Variants in BCKDHB observed in about 807,000 individuals in gnomAD.
BCKDHB encodes the protein branched chain keto acid dehydrogenase E1 subunit beta.
BCKDHB carries 41 observed loss-of-function variants against 48.5 expected under a neutral mutation model. The observed-to-expected ratio is 0.85, with a 90% CI of 0.66 to 1.10. The LOEUF is 1.10. BCKDHB is among the 50% of genes least tolerant of loss of function. The pLI is 0.00. For synonymous variants in BCKDHB, 201 were observed against 174.8 expected, an observed-to-expected ratio of 1.15 and a Z score of -1.18; for missense variants, 496 against 494.2, an observed-to-expected ratio of 1.00 and a Z score of -0.03.
At chr6:80,134,540 A>G (rs1187192021) in intron 3 of BCKDHB, among the ~76,000 whole-genome samples, 1 of 152,116 alleles carries the variant, frequency 6.6e-6, no homozygotes, top group Non-Finnish European at 1.5e-5. Context: ...GTCCTCTGGG[A>G]TTCTTCCAGA....
At chr6:80,361,554 C>T in the BCKDHB span, among the ~76,000 whole-genome samples, 1 of 152,140 alleles carries the variant, frequency 6.6e-6, no homozygotes, top group African/African-American at 2.4e-5. Context: ...GGAAAGCCCC[C>T]TGGGGTTGGG....
In BCKDHB at chr6:80,290,699, A is replaced by G. The variant is rs114733792; in HGVS notation, c.1038+17478A>G. ...AGGGTTTTTGGATCTCTTGCAAGAA[A>G]GAATTCAAGATGAGTCCATAAATTG... On this transcript the variant is annotated intron_variant, in intron 9 of 9. Transcript: ENST00000320393. Among the ~76,000 whole-genome samples the G allele has an allele frequency of 6.1e-3, 929 of 152,338 alleles. 10 individuals are homozygous for G. The highest frequency in any genetic ancestry group is 0.022 in the African/African-American group (894 of 41,576).
the BCKDHB span, chr6:80,453,164 T>TG: frequency 6.6e-6 from 1 of 152,222 alleles, no homozygotes; most frequent in African/African-American, 2.4e-5. Context: ...AAGCGGGAAC[T>TG]GGGGGCTCTG....
At chr6:80,256,491 C>T (rs945249912) in intron 8 of BCKDHB, among the ~76,000 whole-genome samples, 1 of 152,146 alleles carries the variant, frequency 6.6e-6, no homozygotes, top group Non-Finnish European at 1.5e-5. Flanking sequence ...TCTTATGAGG[C>T]TACTATGGTA....
At chr6:80,455,417 C>A in the BCKDHB span, among the ~76,000 whole-genome samples, 4 of 151,914 alleles carry the variant, frequency 2.6e-5, no homozygotes, top group African/African-American at 9.7e-5. Flanking sequence ...TACCTTATCT[C>A]AGCTTTGAAC....
chr6:80,129,527 A>G (rs1770521765), intron 3 of BCKDHB, among the ~76,000 whole-genome samples: 1 of 152,174 alleles, frequency 6.6e-6, no homozygotes, highest in African/African-American at 2.4e-5. Flanking sequence ...TTTTATTGCT[A>G]GCTGCCTGAG....
At chr6:80,264,757 T>C (rs1009206918) in intron 8 of BCKDHB, among the ~76,000 whole-genome samples, 1 of 152,160 alleles carries the variant, frequency 6.6e-6, no homozygotes, top group African/African-American at 2.4e-5. Flanking sequence ...TTATATATTT[T>C]TCCATATGGA....
chr6:80,323,874 G>C (rs918585433), intron 9 of BCKDHB, among the ~76,000 whole-genome samples: 2 of 152,130 alleles, frequency 1.3e-5, no homozygotes, highest in African/African-American at 4.8e-5. Context: ...CCGGGTTCAC[G>C]CCATTCTCCT....
chr6:80,240,592 A>G (rs915822786), intron 8 of BCKDHB, among the ~76,000 whole-genome samples: 10 of 152,174 alleles, frequency 6.6e-5, no homozygotes, highest in African/African-American at 2.4e-4. Context: ...TTCTAAATAT[A>G]CAATCATGTC....
chr6:80,465,647 C>T, the BCKDHB span: 2 of 152,172 alleles, frequency 1.3e-5, no homozygotes, highest in African/African-American at 2.4e-5. Context: ...ATCATGTAAA[C>T]ATATTAGCAA....
At chr6:80,443,738 G>A in the BCKDHB span, among the ~76,000 whole-genome samples, 425 of 152,048 alleles carry the variant, frequency 2.8e-3, 2 homozygotes, top group African/African-American at 9.6e-3. Flanking sequence ...TCAAACTCCC[G>A]GCTTAAGGAA....
intron 2 of BCKDHB, among the ~76,000 whole-genome samples, chr6:80,128,507 A>G (rs1005344178): frequency 1.5e-4 from 23 of 152,218 alleles, no homozygotes; most frequent in Admixed American, 3.3e-4. Flanking sequence ...CACCTACACC[A>G]TTCTTTGCCT....
intron 9 of BCKDHB, among the ~76,000 whole-genome samples, chr6:80,278,740 G>A (rs1778070054): frequency 1.3e-5 from 2 of 152,228 alleles, no homozygotes; most frequent in East Asian, 3.9e-4. Flanking sequence ...TGTATTTTTA[G>A]TAGGCACGAG....
chr6:80,154,911 T>C (rs1771965812), intron 3 of BCKDHB, among the ~76,000 whole-genome samples: 1 of 152,172 alleles, frequency 6.6e-6, no homozygotes. Context: ...CTTGGCACCT[T>C]GTTACCAGTA....
chr6:80,462,612 C>T, the BCKDHB span, among the ~76,000 whole-genome samples: 2 of 152,288 alleles, frequency 1.3e-5, no homozygotes, highest in Admixed American at 6.5e-5. Context: ...CTTCTCCGTG[C>T]CCTTCTAAGT....
chr6:80,284,454 A>G (rs1435795313), intron 9 of BCKDHB, among the ~76,000 whole-genome samples: 1 of 145,728 alleles, frequency 6.9e-6, no homozygotes, highest in Non-Finnish European at 1.5e-5. Context: ...AAAATGTTGG[A>G]TGTTTGATCA....
intron 6 of BCKDHB, among the ~76,000 whole-genome samples, chr6:80,183,866 T>A (rs1753985419): frequency 6.6e-6 from 1 of 152,202 alleles, no homozygotes; most frequent in Non-Finnish European, 1.5e-5. Context: ...ATTGGCTTCC[T>A]TCACTTAGTA....
At chr6:80,279,141 GTTT>G (rs1448621397) in intron 9 of BCKDHB, among the ~76,000 whole-genome samples, 1 of 151,502 alleles carries the variant, frequency 6.6e-6, no homozygotes, top group African/African-American at 2.4e-5. Context: ...TTGTTTGTTT[GTTT>G]TTTGTTTTGT....
the BCKDHB span, among the ~76,000 whole-genome samples, chr6:80,429,048 A>G: frequency 6.6e-6 from 1 of 152,156 alleles, no homozygotes; most frequent in Non-Finnish European, 1.5e-5. Flanking sequence ...TAATTTTTGT[A>G]TAAGGTGTAA....
Sources: gnomAD v4.1 joint callset for allele counts (sites outside exome capture counted in the v4.1 genomes callset) on GRCh38, gnomAD v4.1.1 for gene constraint, MANE v1.5 for transcripts, NCBI Gene and HGNC (gene_info 2026-07-23, HGNC 2026-07-21) for gene names.